The following TMEM30A variants were observed in gnomAD, a reference collection of about 807,000 sequenced individuals.
TMEM30A encodes the protein cell cycle control protein 50A.
A neutral mutation model predicts 38.2 loss-of-function variants in TMEM30A; 24 were observed. That is an observed-to-expected ratio of 0.63 (90% CI 0.46 to 0.88). TMEM30A has a LOEUF of 0.88. Ranked by LOEUF, TMEM30A falls within the 40% of genes least tolerant of loss-of-function variation. The pLI is 0.00. For missense variants in TMEM30A, 370 were observed against 458.6 expected (o/e 0.81, Z 1.77); for synonymous variants, 145 against 161.6 (o/e 0.90, Z 0.78).
chr6:75,283,710 C>T (rs981469609), intron 1 of TMEM30A, among the ~76,000 whole-genome samples: 2 of 150,816 alleles, frequency 1.3e-5, no homozygotes, highest in African/African-American at 4.9e-5. Context: ...AGGTAGGGCA[C>T]ATTAATAAAC....
chr6:75,276,937 T>C (rs1772270691), intron 1 of TMEM30A, among the ~76,000 whole-genome samples: 1 of 152,158 alleles, frequency 6.6e-6, no homozygotes, highest in South Asian at 2.1e-4. Flanking sequence ...TTCTTCTGCC[T>C]GGAACATTCT....
At chr6:75,266,304 G>A (rs908959582) in intron 2 of TMEM30A, among the ~76,000 whole-genome samples, 8 of 152,096 alleles carry the variant, frequency 5.3e-5, no homozygotes, top group African/African-American at 1.9e-4. Flanking sequence ...GTCAAACCAT[G>A]CAAATTTTCC....
In TMEM30A at chr6:75,255,952, G is replaced by A. The variant is rs1771859112; in HGVS notation, c.*150C>T. Reference sequence around the variant, plus strand: ...TATATTTTTAGAAGTCATCCGTAGGGAAGAAGCAAACAACAAAGACTGCTT... The same window carrying A: ...TATATTTTTAGAAGTCATCCGTAGGAAAGAAGCAAACAACAAAGACTGCTT... On this transcript the variant is annotated 3_prime_UTR_variant, in exon 7 of 7. Coordinates refer to ENST00000230461, the MANE Select transcript of TMEM30A (RefSeq NM_018247.4). The A allele has an allele frequency of 5.3e-6, 3 of 564,596 alleles. No homozygotes were observed. Among genetic ancestry groups the A allele is most frequent in the South Asian group, 5.9e-5 (2 of 34,138 alleles). The allele number at this position is 564,596 out of a possible 1,614,324, so 35.0% of individuals were successfully genotyped here.
chr6:75,259,894 A>G (rs1771934022), intron 4 of TMEM30A, among the ~76,000 whole-genome samples: 1 of 152,158 alleles, frequency 6.6e-6, no homozygotes, highest in Admixed American at 6.5e-5. Flanking sequence ...TGAGTCTTTC[A>G]TATGTGGTTG....
Position 75,284,557 on chromosome 6 carries a change from G to C in TMEM30A, c.82C>G (p.Pro28Ala). ...APGGTAKTRR[P>A]DNTAFKQQRL... The stretch of plus-strand genomic sequence containing the variant: ...TGCTGTTTGAAGGCCGTGTTATCCG[G>C]TCTCCGAGTCTTCGCGGTGCCCCCC... The change falls in exon 1 of 7, where the codon CCG becomes GCG. Residue 28 changes from proline to alanine, a missense_variant. Coordinates refer to ENST00000230461, the MANE Select transcript of TMEM30A (RefSeq NM_018247.4). 5 of 1,613,218 alleles carry C rather than the reference G, an allele frequency of 3.1e-6. No individual in the cohort carries two copies. Among genetic ancestry groups the C allele is most frequent in the Non-Finnish European group, 4.2e-6 (5 of 1,179,512 alleles).
Position 75,284,502 on chromosome 6 carries a change from G to A in TMEM30A, c.137C>T (p.Thr46Met), listed in dbSNP as rs1222700721. ...QRLPAWQPIL[T>M]AGTVLPIFFI... The stretch of plus-strand genomic sequence containing the variant: ...GAAAATAGGTAGCACCGTGCCAGCC[G>A]TAAGGATGGGCTGCCAAGCTGGCAG... The change falls in exon 1 of 7, where the codon ACG becomes ATG. Residue 46 changes from threonine to methionine, a missense_variant. By Grantham distance (81) the Thr-to-Met change is moderately conservative. Transcript: ENST00000230461. 1 of 1,611,426 alleles carries A rather than the reference G, an allele frequency of 6.2e-7. No homozygotes were observed. The highest frequency in any genetic ancestry group is 1.1e-5 in the South Asian group (1 of 90,878).
intron 1 of TMEM30A, among the ~76,000 whole-genome samples, chr6:75,283,227 T>A (rs919781567): frequency 1.3e-5 from 2 of 152,110 alleles, no homozygotes; most frequent in Non-Finnish European, 2.9e-5. Flanking sequence ...CAAATTAAAC[T>A]GGAACCCCAT....
At position 75,284,394 on chromosome 6, in the gene TMEM30A, C is replaced by T; in HGVS notation, c.237+8G>A. On this transcript the variant is annotated splice_region_variant and intron_variant, in intron 1 of 6. Coordinates refer to ENST00000230461, the MANE Select transcript of TMEM30A (RefSeq NM_018247.4). ...ACGCCAACTCCCACCACAGCTCCCT[C>T]CCCTCACCTCGATCTCGCGGATGTT... The T allele has an allele frequency of 1.2e-6, 2 of 1,613,538 alleles. No homozygotes were observed. Among genetic ancestry groups the T allele is most frequent in the Non-Finnish European group, 1.7e-6 (2 of 1,179,488 alleles).
intron 1 of TMEM30A, among the ~76,000 whole-genome samples, chr6:75,282,840 G>C (rs563388894): frequency 6.6e-6 from 1 of 152,102 alleles, no homozygotes; most frequent in African/African-American, 2.4e-5. Context: ...GAGAGATTAC[G>C]GAAATTTTCC....
intron 1 of TMEM30A, among the ~76,000 whole-genome samples, chr6:75,279,084 G>A (rs1022034354): frequency 7.9e-5 from 11 of 139,536 alleles, no homozygotes; most frequent in Non-Finnish European, 1.2e-4. Flanking sequence ...AAGATGCCAA[G>A]CTCCTTAAGA....
At position 75,259,428 on chromosome 6, in the gene TMEM30A, T is replaced by G. The variant is rs1340113685; in HGVS notation, c.604A>C (p.Lys202Gln). 6.2e-7 allele frequency: 1 copy of G among 1,613,402 alleles called. No individual in the cohort carries two copies. Among genetic ancestry groups the G allele is most frequent in the African/African-American group, 1.3e-5 (1 of 74,914 alleles). ...TTATCTGTCCACCAAGCAATACCTT[T>G]CTTTTTCAAAGCGATAGGTATAGGA... The part of the protein sequence containing the change: ...SYPIPIALKK[K>Q]GIAWWTDKNV... The change falls in exon 5 of 7, where the codon AAA becomes CAA. Residue 202 changes from lysine (K) to glutamine (Q), a missense_variant. Lys to Gln is a moderately conservative substitution (Grantham distance 53). Coordinates refer to ENST00000230461, the MANE Select transcript of TMEM30A (RefSeq NM_018247.4).
chr6:75,265,805 C>T (rs750469086), intron 2 of TMEM30A, among the ~76,000 whole-genome samples: 38 of 152,258 alleles, frequency 2.5e-4, no homozygotes, highest in Non-Finnish European at 4.1e-4. Flanking sequence ...GTTCTACCGC[C>T]TCTATCCCTA....
chr6:75,257,884 T>G (rs1771889801), intron 6 of TMEM30A, among the ~76,000 whole-genome samples: 1 of 152,226 alleles, frequency 6.6e-6, no homozygotes, highest in African/African-American at 2.4e-5. Context: ...ATTCTAATAT[T>G]GAGAGATCTC....
rs748801604 is a variant in TMEM30A, at chr6:75,267,592, G to A, written c.345+49C>T. 6 of 1,355,856 alleles carry A rather than the reference G, an allele frequency of 4.4e-6. No individual in the cohort carries two copies. In the South Asian group the frequency reaches 7.4e-5, roughly 17 times the overall value. 84.0% of individuals were successfully genotyped at this position (1,355,856 alleles called of 1,614,324 possible). ...GTAAAAGACATTTAGTACAGTATCA[G>A]TATTTTTTAAAGCATGGCTTTTCTA... On this transcript the variant is annotated intron_variant, in intron 2 of 6. Transcript: ENST00000230461.
intron 1 of TMEM30A, among the ~76,000 whole-genome samples, chr6:75,279,828 C>T (rs948071029): frequency 6.6e-6 from 1 of 152,094 alleles, no homozygotes; most frequent in African/African-American, 2.4e-5. Context: ...AGGAAAACGA[C>T]TGGAAAACTT....
At chr6:75,276,447 ATAC>A (rs1772260807) in intron 1 of TMEM30A, among the ~76,000 whole-genome samples, 1 of 152,180 alleles carries the variant, frequency 6.6e-6, no homozygotes, top group Admixed American at 6.5e-5. Flanking sequence ...GTGGGATCTG[ATAC>A]TATCTCCTAG....
chr6:75,265,021 TG>T (rs1180546255), intron 3 of TMEM30A, among the ~76,000 whole-genome samples: 2 of 151,542 alleles, frequency 1.3e-5, no homozygotes, highest in African/African-American at 4.8e-5. Flanking sequence ...TGCTTGAACC[TG>T]GGGGGTGGAG....
intron 6 of TMEM30A, chr6:75,256,681 C>T (rs1026569906): frequency 7.5e-6 from 3 of 399,662 alleles, no homozygotes; most frequent in Admixed American, 6.8e-5. Flanking sequence ...ATGGAAAAAT[C>T]AGGAACTAGA....
intron 2 of TMEM30A, among the ~76,000 whole-genome samples, chr6:75,265,574 A>C (rs1772055080): frequency 6.6e-6 from 1 of 152,226 alleles, no homozygotes; most frequent in Non-Finnish European, 1.5e-5. Flanking sequence ...TAAAGACGTC[A>C]AAAAAGTACT....
Sources: allele counts gnomAD v4.1 joint callset (sites outside exome capture counted in the v4.1 genomes callset), GRCh38; gene constraint gnomAD v4.1.1; transcripts MANE v1.5; gene names NCBI Gene and HGNC (gene_info 2026-07-23, HGNC 2026-07-21).